The following RBFOX1 variants were observed in gnomAD, a reference collection of about 807,000 sequenced individuals.
RBFOX1 encodes the protein RNA binding protein fox-1 homolog 1.
RBFOX1 carries 8 observed loss-of-function variants against 57.7 expected under a neutral mutation model. The observed-to-expected ratio is 0.14, with a 90% CI of 0.08 to 0.25. The LOEUF (loss-of-function observed/expected upper bound fraction) is 0.25, where lower values mean the gene tolerates loss of function less well. RBFOX1 is among the 10% of genes least tolerant of loss of function. The probability of loss-of-function intolerance (pLI) is 1.00; values close to 1 mark genes in which losing one functional copy is unlikely to be tolerated. For missense variants in RBFOX1, 611 were observed against 548.5 expected (o/e 1.11, Z -1.14); for synonymous variants, 326 against 222.4 (o/e 1.47, Z -4.15).
chr16:7,387,969 C>G (rs1319678541), intron 4 of RBFOX1, among the ~76,000 whole-genome samples: 4 of 152,030 alleles, frequency 2.6e-5, no homozygotes, highest in East Asian at 1.9e-4. Flanking sequence ...CTTAATGGCT[C>G]TCTTGTTCAG....
chr16:7,091,547 C>G (rs957922191), intron 4 of RBFOX1, among the ~76,000 whole-genome samples: 2 of 151,808 alleles, frequency 1.3e-5, no homozygotes, highest in African/African-American at 4.8e-5. Flanking sequence ...AAGAAGAAAA[C>G]GAAAATGCAT....
chr16:6,396,767 G>C (rs1486258630), intron 2 of RBFOX1, among the ~76,000 whole-genome samples: 2 of 152,068 alleles, frequency 1.3e-5, no homozygotes, highest in Non-Finnish European at 2.9e-5. Context: ...ATTACTCATA[G>C]TCATGAGAAG....
At chr16:6,587,906 C>G (rs2097652979) in intron 2 of RBFOX1, among the ~76,000 whole-genome samples, 2 of 152,154 alleles carry the variant, frequency 1.3e-5, no homozygotes, top group South Asian at 4.1e-4. Flanking sequence ...CAACTCATGC[C>G]TAAAGGCTTC....
intron 3 of RBFOX1, among the ~76,000 whole-genome samples, chr16:7,028,490 G>C (rs570481012): frequency 4.6e-5 from 7 of 151,704 alleles, no homozygotes; most frequent in South Asian, 4.2e-4. Flanking sequence ...GGGAGGCTGA[G>C]GCAGGAGAAT....
At chr16:5,554,268 G>C (rs1000439951) in intron 2 of RBFOX1, among the ~76,000 whole-genome samples, 1 of 152,004 alleles carries the variant, frequency 6.6e-6, no homozygotes, top group African/African-American at 2.4e-5. Context: ...ACAATGCCTG[G>C]CCTTTTTCTA....
At chr16:6,288,055 C>A (rs191734143) in intron 1 of RBFOX1, among the ~76,000 whole-genome samples, 1 of 152,184 alleles carries the variant, frequency 6.6e-6, no homozygotes, top group African/African-American at 2.4e-5. Context: ...GCTAACATGG[C>A]TCACATGTTC....
intron 3 of RBFOX1, among the ~76,000 whole-genome samples, chr16:6,747,344 T>C (rs899712307): frequency 6.6e-6 from 1 of 151,912 alleles, no homozygotes; most frequent in African/African-American, 2.4e-5. Context: ...GAGGTAGAGA[T>C]TGTAGTGAGC....
chr16:7,241,730 T>C (rs989072792), intron 4 of RBFOX1, among the ~76,000 whole-genome samples: 1 of 152,238 alleles, frequency 6.6e-6, no homozygotes, highest in African/African-American at 2.4e-5. Context: ...TATATGCATA[T>C]ACACAAACAC....
chr16:7,051,674 C>G (rs909189320), intron 3 of RBFOX1, among the ~76,000 whole-genome samples: 2 of 152,166 alleles, frequency 1.3e-5, no homozygotes, highest in African/African-American at 4.8e-5. Flanking sequence ...CTTATCATGA[C>G]CATCTGGAGT....
intron 1 of RBFOX1, among the ~76,000 whole-genome samples, chr16:6,165,738 C>G (rs2096912436): frequency 1.3e-5 from 2 of 152,220 alleles, no homozygotes; most frequent in Admixed American, 1.3e-4. Flanking sequence ...GCGTAATGCT[C>G]TCCTCATTTT....
intron 3 of RBFOX1, among the ~76,000 whole-genome samples, chr16:6,926,271 C>T (rs139057298): frequency 0.16 from 24,964 of 152,060 alleles, 2,155 homozygotes; most frequent in Non-Finnish European, 0.2. Flanking sequence ...CACACCACTG[C>T]GCTACAGCCT....
intron 1 of RBFOX1, among the ~76,000 whole-genome samples, chr16:6,296,666 T>C (rs1043649222): frequency 5.9e-5 from 9 of 152,106 alleles, no homozygotes; most frequent in Non-Finnish European, 1.2e-4. Context: ...GTGATCCACC[T>C]GCCTCGGCCT....
chr16:6,530,327 C>G (rs972091257), intron 2 of RBFOX1, among the ~76,000 whole-genome samples: 2 of 152,154 alleles, frequency 1.3e-5, no homozygotes, highest in African/African-American at 2.4e-5. Context: ...AGTGAGTTTA[C>G]TGTCACTCAC....
chr16:6,829,286 G>C (rs186691979), intron 3 of RBFOX1, among the ~76,000 whole-genome samples: 1 of 151,176 alleles, frequency 6.6e-6, no homozygotes, highest in African/African-American at 2.4e-5. Context: ...AATCTGAGAA[G>C]TTCTACTTTT....
chr16:6,909,078 C>T (rs919302166), intron 3 of RBFOX1, among the ~76,000 whole-genome samples: 5 of 152,272 alleles, frequency 3.3e-5, no homozygotes, highest in African/African-American at 1.2e-4. Flanking sequence ...TTTAAAACAA[C>T]ACAAATGTAT....
chr16:7,349,875 G>C (rs569857140), intron 4 of RBFOX1, among the ~76,000 whole-genome samples: 26 of 152,180 alleles, frequency 1.7e-4, no homozygotes, highest in African/African-American at 6.3e-4. Flanking sequence ...GGCCAGGCAC[G>C]GTGGCTCATG....
In RBFOX1 at chr16:6,754,910, T is replaced by C. The variant is rs1174246407; in HGVS notation, c.-16+100260T>C. On this transcript the variant is annotated intron_variant, in intron 3 of 15. Transcript: ENST00000550418. Reference sequence around the variant, plus strand: ...TGATGTTCCCCTTGCTGTGTCCATGTGTTCTCATTGTTCAGTTCCCACCTA... The same window carrying C: ...TGATGTTCCCCTTGCTGTGTCCATGCGTTCTCATTGTTCAGTTCCCACCTA... 2.0e-5 allele frequency among the ~76,000 whole-genome samples: 3 copies of C among 151,862 alleles called. No individual in the cohort carries two copies. In the East Asian group the frequency reaches 5.8e-4, roughly 29 times the overall value.
intron 5 of RBFOX1, among the ~76,000 whole-genome samples, chr16:7,544,973 T>TATGA (rs1197103940): frequency 2.0e-5 from 3 of 152,154 alleles, no homozygotes; most frequent in Non-Finnish European, 4.4e-5. Flanking sequence ...GAACGGAATG[T>TATGA]ATGAATGAAT....
At chr16:7,024,247 C>T (rs925560707) in intron 3 of RBFOX1, among the ~76,000 whole-genome samples, 1 of 152,152 alleles carries the variant, frequency 6.6e-6, no homozygotes, top group African/African-American at 2.4e-5. Context: ...GTGCTCTGGA[C>T]ATGAATGCAC....
Sources: allele counts gnomAD v4.1 joint callset (sites outside exome capture counted in the v4.1 genomes callset), GRCh38; gene constraint gnomAD v4.1.1; transcripts MANE v1.5; gene names NCBI Gene and HGNC (gene_info 2026-07-23, HGNC 2026-07-21).